Variants in MERTK observed in about 807,000 individuals in gnomAD.
The protein encoded by MERTK is MER proto-oncogene, tyrosine kinase, also known as tyrosine-protein kinase Mer.
MERTK carries 69 observed loss-of-function variants against 99.3 expected under a neutral mutation model. That is an observed-to-expected ratio of 0.70 (90% CI 0.57 to 0.85). The LOEUF (loss-of-function observed/expected upper bound fraction) is 0.85. Among genes scored for constraint, MERTK ranks in the 40% least tolerant of loss-of-function variants. The probability of loss-of-function intolerance (pLI) is 0.00; values close to 1 mark genes in which losing one functional copy is unlikely to be tolerated. For missense variants in MERTK, 1,125 were observed against 1,249.4 expected (o/e 0.90, Z 1.50); for synonymous variants, 426 against 467.6 (o/e 0.91, Z 1.15).
chr2:111,968,373 A>G (rs1302779842), intron 6 of MERTK, 121 bp downstream of exon 6: 3 of 770,942 alleles, frequency 3.9e-6, no homozygotes, highest in East Asian at 5.3e-5. Context: ...GAGTCCCCTG[A>G]CCTCCCTGCT....
intron 2 of MERTK, among the ~76,000 whole-genome samples, chr2:111,939,152 C>T (rs1383201798): frequency 6.6e-6 from 1 of 152,108 alleles, no homozygotes; most frequent in African/African-American, 2.4e-5. Context: ...AGGTCAAGGA[C>T]CCCCATCTGA....
intron 4 of MERTK, among the ~76,000 whole-genome samples, chr2:111,961,100 G>T (rs1293222060): frequency 1.3e-5 from 2 of 149,964 alleles, no homozygotes; most frequent in Admixed American, 6.6e-5. Flanking sequence ...ACCAAAATAT[G>T]AAAGTAGATG....
rs1221851353 is a variant in MERTK at position 111,928,319 on chromosome 2, G to GT, written c.62-801_62-800insT. ...TGGCTCACCACAGCCTTGATCTCCT[G>GT]GGCTCAAGCGATCCTCCTTCCTCAG... On this transcript the variant is annotated intron_variant, in intron 1 of 18. Transcript: ENST00000295408. 2.8e-5 allele frequency among the ~76,000 whole-genome samples: 4 copies of GT among 140,860 alleles called. No homozygotes were observed. In the East Asian group the frequency reaches 6.4e-4, roughly 23 times the overall value. The allele number at this position is 140,860 out of a possible 152,430, so 92.4% of individuals were successfully genotyped here.
chr2:112,000,673 G>A (rs1301483343), intron 10 of MERTK, among the ~76,000 whole-genome samples: 1 of 152,154 alleles, frequency 6.6e-6, no homozygotes. Flanking sequence ...CCTGGCTGAA[G>A]TAGTATTTGC....
At chr2:112,008,627 A>C in intron 14 of MERTK, 152 bp downstream of exon 14, 1 of 751,548 alleles carries the variant, frequency 1.3e-6, no homozygotes, top group Non-Finnish European at 2.4e-6. Flanking sequence ...ACTTTTCTTC[A>C]TAATGATGTT....
intron 13 of MERTK, among the ~76,000 whole-genome samples, chr2:112,007,150 ACTTTT>A (rs1233058718): frequency 3.3e-5 from 5 of 151,960 alleles, no homozygotes; most frequent in South Asian, 4.2e-4. Context: ...CATCTCCAAA[ACTTTT>A]CTTTTCTTTT....
rs3761701 is a variant in MERTK, at chr2:111,947,580, T to C, written c.757+13T>C. 974,508 of 1,613,036 alleles carry C rather than the reference T, an allele frequency of 0.6. 298,788 individuals carry two copies. The highest frequency in any genetic ancestry group is 0.62 in the Admixed American group (37,335 of 60,008). On this transcript the variant is annotated intron_variant, in intron 4 of 18. Coordinates refer to ENST00000295408, the MANE Select transcript of MERTK (RefSeq NM_006343.3). ...CTAACTGTTCCAGGTAAGTCCGAGC[T>C]GTGGGCTTATTGATTTATTCTCTAA...
chr2:111,932,094 T>C (rs1009309493), intron 2 of MERTK, among the ~76,000 whole-genome samples: 2 of 152,214 alleles, frequency 1.3e-5, no homozygotes, highest in Non-Finnish European at 2.9e-5. Flanking sequence ...CAGCTTATTA[T>C]ATATAAACTC....
chr2:111,976,307 G>A (rs1479659566), intron 7 of MERTK, among the ~76,000 whole-genome samples: 2 of 152,088 alleles, frequency 1.3e-5, no homozygotes, highest in Admixed American at 6.6e-5. Flanking sequence ...CCAGGTTATG[G>A]GTCAGGACCC....
intron 8 of MERTK, among the ~76,000 whole-genome samples, chr2:111,989,816 C>T (rs1357479295): frequency 1.3e-5 from 2 of 152,206 alleles, no homozygotes; most frequent in African/African-American, 4.8e-5. Context: ...TGTCAAGATA[C>T]ACTGTGTCTT....
intron 6 of MERTK, among the ~76,000 whole-genome samples, chr2:111,969,662 C>T (rs970777462): frequency 1.3e-5 from 2 of 151,608 alleles, no homozygotes; most frequent in Admixed American, 6.6e-5. Context: ...AAATAGCCTC[C>T]GCCCTCACCC....
intron 2 of MERTK, among the ~76,000 whole-genome samples, chr2:111,941,665 G>A (rs1684868787): frequency 6.6e-6 from 1 of 151,458 alleles, no homozygotes; most frequent in Non-Finnish European, 1.5e-5. Flanking sequence ...CACCCTCCCA[G>A]TGGGAGCCTT....
chr2:112,027,130 A>G (rs1677478965), intron 18 of MERTK, among the ~76,000 whole-genome samples: 1 of 151,924 alleles, frequency 6.6e-6, no homozygotes, highest in Non-Finnish European at 1.5e-5. Flanking sequence ...ACTTCGTCTT[A>G]TTAAAAAAAT....
At chr2:112,010,687 G>A (rs920379705) in intron 15 of MERTK, among the ~76,000 whole-genome samples, 1 of 152,110 alleles carries the variant, frequency 6.6e-6, no homozygotes, top group Non-Finnish European at 1.5e-5. Context: ...GGGCTGTAGC[G>A]TTAAGGAATC....
At chr2:111,997,934 C>T (rs62162477) in intron 10 of MERTK, among the ~76,000 whole-genome samples, 3,489 of 152,286 alleles carry the variant, frequency 0.023, 66 homozygotes, top group Non-Finnish European at 0.036. Flanking sequence ...CGCCTGTAAT[C>T]CCAGCTACTT....
At chr2:111,973,875 G>A (rs1676174399) in intron 6 of MERTK, among the ~76,000 whole-genome samples, 1 of 151,810 alleles carries the variant, frequency 6.6e-6, no homozygotes, top group South Asian at 2.1e-4. Flanking sequence ...ATTTGGAGGG[G>A]GATGTGGAGA....
intron 15 of MERTK, chr2:112,015,853 G>A (rs915797491): frequency 3.2e-5 from 5 of 154,306 alleles, no homozygotes; most frequent in African/African-American, 9.6e-5. Flanking sequence ...TATAGGGTTT[G>A]AGATTTAGTT....
At chr2:111,988,562 C>A (rs1676541488) in intron 8 of MERTK, among the ~76,000 whole-genome samples, 1 of 152,188 alleles carries the variant, frequency 6.6e-6, no homozygotes, top group Admixed American at 6.5e-5. Flanking sequence ...CCACCTTGAA[C>A]ATGATATAAG....
intron 10 of MERTK, among the ~76,000 whole-genome samples, chr2:111,999,596 AT>A (rs1361199194): frequency 6.6e-6 from 1 of 152,240 alleles, no homozygotes; most frequent in East Asian, 1.9e-4. Context: ...TCCCAGCCTT[AT>A]TTTTTAGAAC....
Sources: gnomAD v4.1 joint callset for allele counts (sites outside exome capture counted in the v4.1 genomes callset) on GRCh38, gnomAD v4.1.1 for gene constraint, MANE v1.5 for transcripts, NCBI Gene and HGNC (gene_info 2026-07-23, HGNC 2026-07-21) for gene names.